Variants in CSMD1 observed in about 807,000 individuals in gnomAD.
The protein encoded by CSMD1 is CUB and sushi domain-containing protein 1.
In CSMD1, 213 loss-of-function variants were observed where a neutral mutation model predicts 417.5. The ratio of observed to expected loss-of-function variants is 0.51; its 90% CI spans 0.46 to 0.57. The LOEUF is 0.57. Among genes scored for constraint, CSMD1 ranks in the 20% least tolerant of loss-of-function variants. CSMD1 has a pLI of 0.00. For synonymous variants in CSMD1, 2,862 were observed against 1,736.8 expected, an observed-to-expected ratio of 1.65 and a Z score of -16.11; for missense variants, 6,923 against 4,529.7, an observed-to-expected ratio of 1.53 and a Z score of -15.17.
At chr8:4,532,781 G>A (rs558151144) in intron 2 of CSMD1, among the ~76,000 whole-genome samples, 31 of 99,268 alleles carry the variant, frequency 3.1e-4, no homozygotes, top group Non-Finnish European at 5.5e-4. Context: ...AAGAGAAATC[G>A]TGCACCCCCA....
intron 1 of CSMD1, among the ~76,000 whole-genome samples, chr8:4,687,012 G>A (rs1444487252): frequency 1.3e-5 from 2 of 152,178 alleles, no homozygotes; most frequent in African/African-American, 4.8e-5. Context: ...CTGGCACATG[G>A]CACCAGCCAG....
intron 17 of CSMD1, among the ~76,000 whole-genome samples, chr8:3,393,832 C>A (rs1333310349): frequency 4.0e-5 from 6 of 150,752 alleles, no homozygotes; most frequent in African/African-American, 1.5e-4. Context: ...CACTCTGGGG[C>A]CTGTTGTGGG....
rs1352678736 is a variant in CSMD1, at chr8:2,973,136, T to C, written c.8904A>G (p.Gly2968=). ...RTCLLNGSWS[G]LQPVCEAVSC... Reference sequence around the variant, plus strand: ...ACTCACCCTCACACACCGGCTGCAGTCCTGACCATGACCCATTGAGCAAAC... The same window carrying C: ...ACTCACCCTCACACACCGGCTGCAGCCCTGACCATGACCCATTGAGCAAAC... The change falls in exon 57 of 70, where the codon GGA becomes GGG. Residue 2968 remains glycine, a synonymous_variant. Transcript: ENST00000635120. The C allele has an allele frequency of 6.2e-7, 1 of 1,613,610 alleles. No homozygotes were observed. The highest frequency in any genetic ancestry group is 8.5e-7 in the Non-Finnish European group (1 of 1,179,672).
intron 5 of CSMD1, among the ~76,000 whole-genome samples, chr8:3,994,633 A>AT (rs1815061050): frequency 6.6e-6 from 1 of 152,088 alleles, no homozygotes. Context: ...TAAAAAAAAA[A>AT]GTCAGTTTCA....
intron 1 of CSMD1, among the ~76,000 whole-genome samples, chr8:4,910,340 T>G (rs916938345): frequency 6.6e-6 from 1 of 152,228 alleles, no homozygotes; most frequent in East Asian, 1.9e-4. Flanking sequence ...TGATGATGTA[T>G]CTTAGTCAAT....
chr8:4,132,278 G>C (rs765202501), intron 3 of CSMD1, among the ~76,000 whole-genome samples: 4 of 149,390 alleles, frequency 2.7e-5, no homozygotes, highest in Admixed American at 6.7e-5. Flanking sequence ...TTTTATCCAA[G>C]GTGATGTTTA....
At chr8:3,483,630 A>G (rs1301356049) in intron 11 of CSMD1, among the ~76,000 whole-genome samples, 12 of 152,274 alleles carry the variant, frequency 7.9e-5, no homozygotes, top group African/African-American at 2.4e-4. Flanking sequence ...TTATAATCTT[A>G]TAATGAAGAT....
rs576169885 is a variant in CSMD1, at chr8:3,020,012, T to G, written c.7856-1362A>C. On this transcript the variant is annotated intron_variant, in intron 51 of 69. Transcript: ENST00000635120. ...GCAGCCTGCAGTGGCAAACATCGAGTTCTTCCTTATTCACAGTAAACCACA... is the reference window on the plus strand; with the variant it reads ...GCAGCCTGCAGTGGCAAACATCGAGGTCTTCCTTATTCACAGTAAACCACA... Among the ~76,000 whole-genome samples, 5 of 152,252 alleles carry G rather than the reference T, an allele frequency of 3.3e-5. No homozygotes were observed. The South Asian group carries it at 1.0e-3, about 32-fold the overall frequency.
intron 3 of CSMD1, among the ~76,000 whole-genome samples, chr8:4,174,614 A>C (rs764229170): frequency 6.7e-6 from 1 of 148,852 alleles, no homozygotes; most frequent in African/African-American, 2.5e-5. Context: ...CTTTTATAAT[A>C]ATTAAAACAA....
At chr8:3,996,555 G>C (rs1585101927) in intron 5 of CSMD1, among the ~76,000 whole-genome samples, 1 of 152,180 alleles carries the variant, frequency 6.6e-6, no homozygotes, top group Middle Eastern at 3.4e-3. Flanking sequence ...TCTCGGCTCA[G>C]CTTTTGCTTC....
chr8:4,550,993 G>A (rs1728921300), intron 2 of CSMD1, among the ~76,000 whole-genome samples: 1 of 152,088 alleles, frequency 6.6e-6, no homozygotes, highest in Non-Finnish European at 1.5e-5. Context: ...AACAAAGGCT[G>A]CCCAAATTAA....
intron 10 of CSMD1, among the ~76,000 whole-genome samples, chr8:3,498,312 T>C (rs1268452270): frequency 6.6e-6 from 1 of 152,242 alleles, no homozygotes; most frequent in Non-Finnish European, 1.5e-5. Flanking sequence ...ATGTGGTACT[T>C]TGATACATGT....
chr8:4,167,865 G>C (rs1170557337), intron 3 of CSMD1, among the ~76,000 whole-genome samples: 3 of 152,000 alleles, frequency 2.0e-5, no homozygotes, highest in African/African-American at 7.2e-5. Context: ...TGATGGCTTA[G>C]GCCTGTAATC....
intron 2 of CSMD1, among the ~76,000 whole-genome samples, chr8:4,434,301 G>A (rs543513521): frequency 1.3e-5 from 2 of 152,176 alleles, no homozygotes; most frequent in Admixed American, 6.5e-5. Flanking sequence ...TGGAGATGGA[G>A]GTTGCAGTGA....
At chr8:4,866,541 T>C (rs1340729990) in intron 1 of CSMD1, among the ~76,000 whole-genome samples, 1 of 151,954 alleles carries the variant, frequency 6.6e-6, no homozygotes, top group East Asian at 1.9e-4. Context: ...ATTGGCTTTT[T>C]TAACAACTAA....
chr8:4,796,853 G>A (rs780251146), intron 1 of CSMD1, among the ~76,000 whole-genome samples: 1 of 152,160 alleles, frequency 6.6e-6, no homozygotes, highest in Admixed American at 6.5e-5. Context: ...AATTGCAAAG[G>A]TCTGGGGTCA....
intron 3 of CSMD1, among the ~76,000 whole-genome samples, chr8:4,297,975 T>C (rs547043306): frequency 7.2e-4 from 109 of 152,224 alleles, no homozygotes; most frequent in African/African-American, 2.6e-3. Context: ...AGAGTGAATA[T>C]GGTGAAGAGG....
At chr8:4,578,265 A>T (rs1461806099) in intron 2 of CSMD1, among the ~76,000 whole-genome samples, 1 of 147,086 alleles carries the variant, frequency 6.8e-6, no homozygotes, top group African/African-American at 2.5e-5. Flanking sequence ...GGTTCACGCC[A>T]TTCTCCTGCC....
intron 2 of CSMD1, among the ~76,000 whole-genome samples, chr8:4,626,072 C>G (rs1249778082): frequency 6.6e-6 from 1 of 152,120 alleles, no homozygotes. Flanking sequence ...TAAGAACTGA[C>G]ATTACAATTG....
Sources: gnomAD v4.1 joint callset for allele counts (sites outside exome capture counted in the v4.1 genomes callset) on GRCh38, gnomAD v4.1.1 for gene constraint, MANE v1.5 for transcripts, NCBI Gene and HGNC (gene_info 2026-07-23, HGNC 2026-07-21) for gene names.